CCDC102B: variants seen among roughly 807,000 people sequenced by gnomAD.
The protein encoded by CCDC102B is coiled-coil domain containing 102B.
Under a neutral mutation model 57.4 loss-of-function variants are expected in CCDC102B, and 75 were observed. The ratio of observed to expected loss-of-function variants is 1.31; its 90% confidence interval spans 1.08 to 1.58. The LOEUF (loss-of-function observed/expected upper bound fraction) is 1.58. Among genes scored for constraint, CCDC102B ranks in the 40% most tolerant of loss-of-function variants. The pLI is 0.00. For missense variants in CCDC102B, 636 were observed against 582.6 expected (o/e 1.09, Z -0.94); for synonymous variants, 206 against 201.9 (o/e 1.02, Z -0.17).
At chr18:68,854,795 G>T (rs1008301096) in intron 4 of CCDC102B, among the ~76,000 whole-genome samples, 13 of 152,134 alleles carry the variant, frequency 8.5e-5, no homozygotes, top group African/African-American at 1.2e-4. Context: ...GATAAAGAAC[G>T]CTTTAGGACA....
intron 5 of CCDC102B, among the ~76,000 whole-genome samples, chr18:68,884,429 G>A (rs986939790): frequency 2.0e-5 from 3 of 151,952 alleles, no homozygotes; most frequent in Non-Finnish European, 2.9e-5. Context: ...GAAAAATATT[G>A]CATATTCTCA....
intron 7 of CCDC102B, among the ~76,000 whole-genome samples, chr18:69,028,581 C>T (rs1476994231): frequency 6.6e-6 from 1 of 152,044 alleles, no homozygotes. Context: ...AGGCAGATAT[C>T]TTCCTTACTA....
At chr18:68,725,557 C>T (rs981242710) in intron 2 of CCDC102B, among the ~76,000 whole-genome samples, 1 of 152,152 alleles carries the variant, frequency 6.6e-6, no homozygotes, top group South Asian at 2.1e-4. Flanking sequence ...GGGAATTATT[C>T]TCCACCTACA....
In CCDC102B at chr18:68,904,530, G is replaced by C. The variant is rs551089946; in HGVS notation, c.1263+7102G>C. 1.4e-3 allele frequency among the ~76,000 whole-genome samples: 216 copies of C among 152,282 alleles called. 1 individual carries two copies. Among genetic ancestry groups the C allele is most frequent in the Middle Eastern group, 6.8e-3 (2 of 294 alleles). On this transcript the variant is annotated intron_variant, in intron 6 of 7. Transcript: ENST00000360242. ...TGCCAAGTAATTTCTGAAGTTAGCA[G>C]AGATAAAGAATCATAGTTTTAAAGT...
At chr18:68,818,498 A>G (rs180703137) in intron 1 of CCDC102B, among the ~76,000 whole-genome samples, 138 of 152,306 alleles carry the variant, frequency 9.1e-4, no homozygotes, top group Non-Finnish European at 1.6e-3. Flanking sequence ...GTAATAGAAT[A>G]TTGTTGGCAT....
At chr18:69,046,315 T>C (rs1439448773) in intron 7 of CCDC102B, among the ~76,000 whole-genome samples, 1 of 152,184 alleles carries the variant, frequency 6.6e-6, no homozygotes, top group African/African-American at 2.4e-5. Context: ...AGATGGTATC[T>C]CATTGTGGTT....
At chr18:68,996,510 C>T (rs193037106) in intron 6 of CCDC102B, among the ~76,000 whole-genome samples, 1 of 152,170 alleles carries the variant, frequency 6.6e-6, no homozygotes, top group Non-Finnish European at 1.5e-5. Flanking sequence ...CTGCTTCATA[C>T]TTTCATCTAT....
At chr18:69,036,939 A>C (rs552641971) in intron 7 of CCDC102B, among the ~76,000 whole-genome samples, 9 of 152,130 alleles carry the variant, frequency 5.9e-5, no homozygotes, top group African/African-American at 1.9e-4. Flanking sequence ...AGAGAAAAAC[A>C]GGTGATATAT....
At chr18:68,839,434 C>CTT (rs1359423422) in intron 3 of CCDC102B, among the ~76,000 whole-genome samples, 3 of 152,186 alleles carry the variant, frequency 2.0e-5, no homozygotes, top group African/African-American at 7.2e-5. Flanking sequence ...GTGATGTTGG[C>CTT]TGTTGCCCCT....
intron 5 of CCDC102B, among the ~76,000 whole-genome samples, chr18:68,889,772 G>A (rs957546335): frequency 6.6e-6 from 1 of 152,134 alleles, no homozygotes; most frequent in African/African-American, 2.4e-5. Context: ...CTAGTCTATA[G>A]TATGATGTTA....
At chr18:68,749,135 A>G (rs990215454) in intron 2 of CCDC102B, among the ~76,000 whole-genome samples, 1 of 152,052 alleles carries the variant, frequency 6.6e-6, no homozygotes, top group Non-Finnish European at 1.5e-5. Context: ...ATTGGTCTAT[A>G]TCTCTGTTTT....
intron 2 of CCDC102B, among the ~76,000 whole-genome samples, chr18:68,781,655 ATT>A (rs2035011537): frequency 6.6e-6 from 1 of 152,130 alleles, no homozygotes; most frequent in Admixed American, 6.6e-5. Context: ...GTGATAAATA[ATT>A]TCTTAGGTTA....
At chr18:68,943,585 G>C (rs1006567298) in intron 6 of CCDC102B, among the ~76,000 whole-genome samples, 10 of 152,014 alleles carry the variant, frequency 6.6e-5, no homozygotes, top group African/African-American at 1.9e-4. Flanking sequence ...TTTGAGTTAC[G>C]CACAATAAAG....
intron 5 of CCDC102B, among the ~76,000 whole-genome samples, chr18:68,882,017 TA>T (rs2039709769): frequency 6.6e-6 from 1 of 152,176 alleles, no homozygotes; most frequent in African/African-American, 2.4e-5. Context: ...TGTGGCTAAA[TA>T]ATAATAGGAA....
chr18:68,968,509 A>G (rs2050217744), intron 6 of CCDC102B, among the ~76,000 whole-genome samples: 1 of 152,188 alleles, frequency 6.6e-6, no homozygotes, highest in African/African-American at 2.4e-5. Context: ...GATAATGAAG[A>G]TATTTATCAC....
chr18:68,941,629 A>G (rs115982251), intron 6 of CCDC102B, among the ~76,000 whole-genome samples: 3,547 of 152,200 alleles, frequency 0.023, 131 homozygotes, highest in African/African-American at 0.08. Context: ...GTTAGTTTTA[A>G]TTCAAATAAA....
intron 5 of CCDC102B, among the ~76,000 whole-genome samples, chr18:68,886,138 T>G (rs939521152): frequency 6.6e-6 from 1 of 151,824 alleles, no homozygotes; most frequent in Non-Finnish European, 1.5e-5. Flanking sequence ...TGGGAGAATA[T>G]ATAAAATATA....
At chr18:69,033,742 C>T (rs2052210689) in intron 7 of CCDC102B, among the ~76,000 whole-genome samples, 1 of 151,596 alleles carries the variant, frequency 6.6e-6, no homozygotes, top group Non-Finnish European at 1.5e-5. Context: ...CATATGGTAA[C>T]TCTATGTCTA....
intron 3 of CCDC102B, among the ~76,000 whole-genome samples, chr18:68,839,478 GT>G (rs1240584228): frequency 1.3e-5 from 2 of 152,166 alleles, no homozygotes; most frequent in African/African-American, 4.8e-5. Context: ...TTATGTTCCA[GT>G]TATCTATTAT....
Sources: allele counts gnomAD v4.1 joint callset (sites outside exome capture counted in the v4.1 genomes callset), GRCh38; gene constraint gnomAD v4.1.1; transcripts MANE v1.5; gene names NCBI Gene and HGNC (gene_info 2026-07-23, HGNC 2026-07-21).